Variants in CNNM2 observed in about 807,000 individuals in gnomAD.
The protein encoded by CNNM2 is cyclin and CBS domain divalent metal cation transport mediator 2.
Under a neutral mutation model 66.9 loss-of-function variants are expected in CNNM2, and 12 were observed. The observed-to-expected ratio is 0.18, with a 90% CI of 0.11 to 0.29. The LOEUF is 0.29. Ranked by LOEUF, CNNM2 falls within the 10% of genes least tolerant of loss-of-function variation. The pLI is 1.00. For missense variants in CNNM2, 705 were observed against 1,167.7 expected (o/e 0.60, Z 5.77); for synonymous variants, 557 against 501.8 (o/e 1.11, Z -1.47).
At position 103,089,260 on chromosome 10, in the gene CNNM2, G is replaced by C. The variant is rs1004873485; in HGVS notation, c.*12080G>C. On this transcript the variant is annotated 3_prime_UTR_variant, in exon 8 of 8. Coordinates refer to ENST00000369878, the MANE Select transcript of CNNM2 (RefSeq NM_017649.5). Reference sequence around the variant, plus strand: ...CAATACCATGTAATGCACTGGAAAAGTTGGACCTTGGAGTAATAGCACAAT... The same window carrying C: ...CAATACCATGTAATGCACTGGAAAACTTGGACCTTGGAGTAATAGCACAAT... 5.4e-5 allele frequency: 12 copies of C among 223,832 alleles called. No homozygotes were observed. The highest frequency in any genetic ancestry group is 5.1e-4 in the Admixed American group (9 of 17,778). 13.9% of individuals were successfully genotyped at this position (223,832 alleles called of 1,614,324 possible).
intron 1 of CNNM2, among the ~76,000 whole-genome samples, chr10:103,039,749 T>A (rs968559298): frequency 2.6e-5 from 4 of 152,122 alleles, no homozygotes; most frequent in African/African-American, 9.7e-5. Flanking sequence ...TGGGGCTCTA[T>A]AAGGGCTGAC....
intron 5 of CNNM2, among the ~76,000 whole-genome samples, chr10:103,070,000 CAGTT>C (rs1243157294): frequency 6.6e-6 from 1 of 152,222 alleles, no homozygotes; most frequent in Non-Finnish European, 1.5e-5. Flanking sequence ...AAAGATGTTT[CAGTT>C]AGAAAGTCAC....
chr10:103,032,366 G>T (rs571265452), intron 1 of CNNM2, among the ~76,000 whole-genome samples: 1 of 151,860 alleles, frequency 6.6e-6, no homozygotes, highest in Non-Finnish European at 1.5e-5. Flanking sequence ...CAGGAGAATC[G>T]CTTGAACCTG....
rs1334099697 is a variant in CNNM2, at chr10:103,079,575, G to A, written c.*2395G>A. On this transcript the variant is annotated 3_prime_UTR_variant, in exon 8 of 8. Transcript: ENST00000369878. ...TGCCAGCTGCTGCCTCTGACTTCAG[G>A]GAGAAGCAGACTTCTTAATACTGTC... 2 of 152,268 alleles carry A rather than the reference G, an allele frequency of 1.3e-5. No homozygotes were observed. Among genetic ancestry groups the A allele is most frequent in the African/African-American group, 4.8e-5 (2 of 41,414 alleles). 9.4% of individuals were successfully genotyped at this position (152,268 alleles called of 1,614,324 possible).
Position 103,089,430 on chromosome 10 carries a change from T to C in CNNM2, c.*12250T>C. The C allele has an allele frequency of 2.1e-6, 1 of 486,150 alleles. No homozygotes were observed. The allele number at this position is 486,150 out of a possible 1,614,324, so 30.1% of individuals were successfully genotyped here. A position where few individuals can be genotyped will look rare whatever the true frequency, so the allele number is the denominator to read the frequency against. On this transcript the variant is annotated 3_prime_UTR_variant, in exon 8 of 8. Coordinates refer to ENST00000369878, the MANE Select transcript of CNNM2 (RefSeq NM_017649.5). ...GGAGCCATATACATGCAGTTCAGCC[T>C]GATTTTACCCTTATTTTCTTCTAAT...
intron 3 of CNNM2, among the ~76,000 whole-genome samples, chr10:103,056,451 C>T (rs2134341674): frequency 6.6e-6 from 1 of 152,310 alleles, no homozygotes; most frequent in South Asian, 2.1e-4. Context: ...TGTTGGTCGA[C>T]AGTCAGGCTG....
intron 1 of CNNM2, among the ~76,000 whole-genome samples, chr10:102,955,885 G>A (rs575218254): frequency 3.6e-4 from 55 of 152,350 alleles, no homozygotes; most frequent in African/African-American, 1.3e-3. Flanking sequence ...GGCCAGGAGC[G>A]TTGGCTCACG....
chr10:102,973,668 CTT>C (rs1296186581), intron 1 of CNNM2, among the ~76,000 whole-genome samples: 4 of 152,046 alleles, frequency 2.6e-5, no homozygotes, highest in African/African-American at 7.2e-5. Flanking sequence ...TATGCAGTGA[CTT>C]TTAATAAGAA....
intron 1 of CNNM2, among the ~76,000 whole-genome samples, chr10:102,955,678 G>C (rs1043277438): frequency 4.0e-5 from 6 of 151,532 alleles, no homozygotes; most frequent in African/African-American, 1.5e-4. Flanking sequence ...AAATTTACAA[G>C]AAAAAAACAA....
intron 1 of CNNM2, among the ~76,000 whole-genome samples, chr10:102,926,993 A>G (rs762558550): frequency 6.6e-6 from 1 of 151,982 alleles, no homozygotes; most frequent in African/African-American, 2.4e-5. Context: ...TGCTGGGATT[A>G]CAAGCATGAG....
intron 1 of CNNM2, among the ~76,000 whole-genome samples, chr10:102,995,174 TC>T (rs2063971423): frequency 1.7e-5 from 2 of 117,892 alleles, no homozygotes; most frequent in Non-Finnish European, 1.8e-5. Flanking sequence ...CTCCTCCCCC[TC>T]TTCCTCCTCC....
At chr10:103,020,040 T>C (rs2134284055) in intron 1 of CNNM2, among the ~76,000 whole-genome samples, 1 of 152,342 alleles carries the variant, frequency 6.6e-6, no homozygotes, top group Non-Finnish European at 1.5e-5. Context: ...TGTGGTTTTT[T>C]TCTTAAGTTA....
chr10:103,072,576 G>A lies in CNNM2; in HGVS notation c.2233+737G>A, dbSNP rs372642482. Among the ~76,000 whole-genome samples the A allele has an allele frequency of 2.8e-4, 43 of 152,270 alleles. No homozygotes were observed. The East Asian group carries it at 4.4e-3, about 16-fold the overall frequency. The stretch of plus-strand genomic sequence containing the variant: ...TGACTTTGTTTTGGAGTGAACACCC[G>A]GCACATTCCTATCCCGCTGCTGCCG... On this transcript the variant is annotated intron_variant, in intron 6 of 7. Coordinates refer to ENST00000369878, the MANE Select transcript of CNNM2 (RefSeq NM_017649.5).
intron 1 of CNNM2, among the ~76,000 whole-genome samples, chr10:103,000,665 C>T (rs1245695434): frequency 2.6e-5 from 4 of 152,166 alleles, no homozygotes; most frequent in Non-Finnish European, 4.4e-5. Context: ...AGGCTGTTCT[C>T]GAACTCCTGA....
At chr10:103,028,726 C>T (rs1431078086) in intron 1 of CNNM2, among the ~76,000 whole-genome samples, 3 of 152,064 alleles carry the variant, frequency 2.0e-5, no homozygotes, top group Middle Eastern at 3.4e-3. Flanking sequence ...ACAATCTCCT[C>T]TTATGACAAG....
In CNNM2 at chr10:102,918,597, G is replaced by T. The variant is rs569208520; in HGVS notation, c.117G>T (p.Gly39=). The T allele has an allele frequency of 1.9e-6, 3 of 1,562,632 alleles. No homozygotes were observed. The highest frequency in any genetic ancestry group is 1.4e-5 in the African/African-American group (1 of 71,994). ...ARRSLSARGR[G]ILQAAAGRLL... is the part of the protein sequence containing the mutation. ...GCAGCCTCAGCGCTCGCGGCCGGGG[G>T]ATCCTGCAGGCGGCTGCGGGGCGGC... The change falls in exon 1 of 8, where the codon GGG becomes GGT. Residue 39 remains glycine, a synonymous_variant. Transcript: ENST00000369878. This position sits in a 1 kb window ranked among gnomAD's most constrained non-coding sequence, Gnocchi z 4.1.
At chr10:103,071,862 C>T (rs762016123) in intron 6 of CNNM2, 23 bp downstream of exon 6, 13 of 1,607,878 alleles carry the variant, frequency 8.1e-6, no homozygotes, top group Middle Eastern at 3.3e-4. Flanking sequence ...GCTTCCTTTC[C>T]GTAATTCTCC....
At chr10:102,984,907 A>G (rs1056850725) in intron 1 of CNNM2, among the ~76,000 whole-genome samples, 7 of 152,142 alleles carry the variant, frequency 4.6e-5, no homozygotes, top group African/African-American at 1.7e-4. Context: ...TCAGCCTCCC[A>G]AAGGGCTGGG....
At chr10:102,966,224 C>G (rs2063462105) in intron 1 of CNNM2, among the ~76,000 whole-genome samples, 1 of 152,158 alleles carries the variant, frequency 6.6e-6, no homozygotes, top group Non-Finnish European at 1.5e-5. Flanking sequence ...GAACTGTTTT[C>G]TGAAATTGGA....
Sources: allele counts gnomAD v4.1 joint callset (sites outside exome capture counted in the v4.1 genomes callset), GRCh38; gene constraint gnomAD v4.1.1; non-coding constraint Gnocchi (gnomAD v3.1); transcripts MANE v1.5; gene names NCBI Gene and HGNC (gene_info 2026-07-23, HGNC 2026-07-21).